Variants in DAB1 observed in about 807,000 individuals in gnomAD.
The protein encoded by DAB1 is disabled homolog 1.
Under a neutral mutation model 64.6 loss-of-function variants are expected in DAB1, and 15 were observed. That is an observed-to-expected ratio of 0.23 (90% CI 0.16 to 0.36). The LOEUF is 0.36. Among genes scored for constraint, DAB1 ranks in the 10% least tolerant of loss-of-function variants. The pLI is 1.00. For missense variants in DAB1, 596 were observed against 706.7 expected (o/e 0.84, Z 1.78); for synonymous variants, 235 against 251.9 (o/e 0.93, Z 0.64).
At position 57,211,293 on chromosome 1, in the gene DAB1, G is replaced by A. The variant is rs61765590; in HGVS notation, c.68-65864C>T. 8.2e-3 allele frequency among the ~76,000 whole-genome samples: 1,253 copies of A among 152,288 alleles called. 33 individuals are homozygous for A. The East Asian group carries it at 0.094, about 11-fold the overall frequency. On this transcript the variant is annotated intron_variant, in intron 2 of 14. Coordinates refer to ENST00000371236, the MANE Select transcript of DAB1 (RefSeq NM_001365792.1). ...CCCAAGTACTAAACTGCTGCGGTCTGGTGGGACCCCAAGGACCATCTTGAG... is the reference window on the plus strand; with the variant it reads ...CCCAAGTACTAAACTGCTGCGGTCTAGTGGGACCCCAAGGACCATCTTGAG...
upstream of DAB1, among the ~76,000 whole-genome samples, chr1:57,887,905 T>C (rs549643910): frequency 7.9e-4 from 120 of 152,326 alleles, no homozygotes; most frequent in African/African-American, 2.8e-3. Flanking sequence ...ATAAATTAAA[T>C]GTGCGGGTGT....
chr1:57,803,166 T>G (rs1432663098), intron 6 of DAB1, among the ~76,000 whole-genome samples: 4 of 152,224 alleles, frequency 2.6e-5, no homozygotes, highest in Non-Finnish European at 4.4e-5. Flanking sequence ...AAATGGAGAT[T>G]GAGGAGGGTT....
chr1:57,571,799 T>G (rs1230344373), intron 7 of DAB1, among the ~76,000 whole-genome samples: 2 of 152,138 alleles, frequency 1.3e-5, no homozygotes, highest in Admixed American at 1.3e-4. Flanking sequence ...TAGAGTAAAT[T>G]TGGGATTTGG....
chr1:57,534,807 A>G (rs1158316218), intron 7 of DAB1, among the ~76,000 whole-genome samples: 1 of 152,186 alleles, frequency 6.6e-6, no homozygotes, highest in African/African-American at 2.4e-5. Context: ...CTCTTCTGAA[A>G]CTTCGCAAAG....
intron 7 of DAB1, among the ~76,000 whole-genome samples, chr1:57,620,596 A>G (rs1310357596): frequency 6.6e-6 from 1 of 152,202 alleles, no homozygotes; most frequent in Non-Finnish European, 1.5e-5. Context: ...TGGATTAAAG[A>G]GGGCTTTGAG....
At chr1:57,398,161 C>T (rs191918430) in intron 1 of DAB1, among the ~76,000 whole-genome samples, 1 of 152,328 alleles carries the variant, frequency 6.6e-6, no homozygotes, top group African/African-American at 2.4e-5. Flanking sequence ...CGAGTGCACC[C>T]TTTGAGCAAG....
At chr1:58,431,617 A>AATAT (rs1388264256) in intron 3 of DAB1, among the ~76,000 whole-genome samples, 1 of 152,096 alleles carries the variant, frequency 6.6e-6, no homozygotes, top group African/African-American at 2.4e-5. Flanking sequence ...TTGTGACAAA[A>AATAT]ATATATATTT....
At chr1:57,434,204 T>C (rs1685610558) in intron 7 of DAB1, among the ~76,000 whole-genome samples, 1 of 152,154 alleles carries the variant, frequency 6.6e-6, no homozygotes. Context: ...ATCCATTTTA[T>C]TCATAATAGG....
chr1:58,180,885 C>T (rs1656753756), intron 4 of DAB1, among the ~76,000 whole-genome samples: 1 of 152,146 alleles, frequency 6.6e-6, no homozygotes, highest in African/African-American at 2.4e-5. Context: ...GTTTTATGCT[C>T]TATCACATAT....
chr1:57,406,224 G>A (rs1180056722), intron 1 of DAB1, among the ~76,000 whole-genome samples: 2 of 152,176 alleles, frequency 1.3e-5, no homozygotes, highest in African/African-American at 4.8e-5. Context: ...ACAGTATTCA[G>A]AACATACTTA....
chr1:58,198,237 GTTTATTAATC>G (rs1309793365), intron 4 of DAB1, among the ~76,000 whole-genome samples: 1 of 152,182 alleles, frequency 6.6e-6, no homozygotes, highest in Non-Finnish European at 1.5e-5. Context: ...AACAACAATT[GTTTATTAATC>G]TTCACACATA....
chr1:57,745,729 A>T (rs990015677), intron 6 of DAB1, among the ~76,000 whole-genome samples: 1 of 152,222 alleles, frequency 6.6e-6, no homozygotes, highest in African/African-American at 2.4e-5. Context: ...TTTTTGTCAC[A>T]GTTGTTTTAA....
chr1:57,187,128 C>T (rs1663644630), intron 2 of DAB1, among the ~76,000 whole-genome samples: 1 of 152,186 alleles, frequency 6.6e-6, no homozygotes, highest in Admixed American at 6.5e-5. Context: ...AAATGAAGTA[C>T]ATACCTTCTG....
At chr1:57,887,828 T>C (rs1254651606), upstream of DAB1, among the ~76,000 whole-genome samples, 1 of 152,210 alleles carries the variant, frequency 6.6e-6, no homozygotes, top group Non-Finnish European at 1.5e-5. Context: ...ATTAATGGTG[T>C]TGGTTTTTCT....
intron 5 of DAB1, among the ~76,000 whole-genome samples, chr1:57,975,208 G>A (rs932437664): frequency 1.2e-4 from 19 of 152,182 alleles, no homozygotes. Flanking sequence ...GACACTAGAT[G>A]TGCCAGCACC....
intron 3 of DAB1, among the ~76,000 whole-genome samples, chr1:58,348,499 C>G (rs1167566624): frequency 6.6e-6 from 1 of 152,074 alleles, no homozygotes; most frequent in East Asian, 1.9e-4. Flanking sequence ...ATGTTTAAGA[C>G]TCAAATTTGC....
chr1:57,427,473 G>T (rs1685333679), upstream of DAB1, among the ~76,000 whole-genome samples: 1 of 152,294 alleles, frequency 6.6e-6, no homozygotes, highest in East Asian at 1.9e-4. Context: ...ACTCAAAGGA[G>T]CAGCCTATGT....
intron 4 of DAB1, among the ~76,000 whole-genome samples, chr1:58,289,572 T>C (rs964197824): frequency 1.3e-5 from 2 of 152,218 alleles, no homozygotes; most frequent in Non-Finnish European, 2.9e-5. Flanking sequence ...CCCACTGAAC[T>C]ATAAAAATGG....
At chr1:58,001,862 T>C (rs1193335750) in intron 5 of DAB1, among the ~76,000 whole-genome samples, 1 of 152,180 alleles carries the variant, frequency 6.6e-6, no homozygotes, top group Admixed American at 6.5e-5. Flanking sequence ...CCCTGGATTA[T>C]CCAGGTCAAC....
Sources: allele counts gnomAD v4.1 joint callset (sites outside exome capture counted in the v4.1 genomes callset), GRCh38; gene constraint gnomAD v4.1.1; transcripts MANE v1.5; gene names NCBI Gene and HGNC (gene_info 2026-07-23, HGNC 2026-07-21).